The following SLC25A48 variants were observed in gnomAD, a reference collection of about 807,000 sequenced individuals.
SLC25A48 encodes the protein CTC-321K16.1.
In SLC25A48, 29 loss-of-function variants were observed where a neutral mutation model predicts 32.2. The observed-to-expected ratio is 0.90, with a 90% CI of 0.67 to 1.23. The LOEUF (loss-of-function observed/expected upper bound fraction) is 1.23, where lower values mean the gene tolerates loss of function less well. SLC25A48 is among the 50% of genes most tolerant of loss of function. SLC25A48 has a pLI of 0.00. For synonymous variants in SLC25A48, 164 were observed against 172.3 expected (o/e 0.95, Z 0.38); for missense variants, 399 against 422.7 (o/e 0.94, Z 0.49).
chr5:135,688,555 A>G (rs1754071166), intron 3 of SLC25A48, among the ~76,000 whole-genome samples: 1 of 152,246 alleles, frequency 6.6e-6, no homozygotes, highest in South Asian at 2.1e-4. Flanking sequence ...AACTTATTCC[A>G]TGAGGGAACA....
At chr5:135,650,259 T>C (rs1753075240) in intron 3 of SLC25A48, 2 of 379,526 alleles carry the variant, frequency 5.3e-6, no homozygotes, top group Non-Finnish European at 1.0e-5. Context: ...AGCCACACAC[T>C]GTAGACAATT....
intron 4 of SLC25A48, among the ~76,000 whole-genome samples, chr5:135,814,368 C>A (rs933430881): frequency 1.3e-4 from 20 of 152,228 alleles, no homozygotes; most frequent in African/African-American, 4.1e-4. Flanking sequence ...CCTCTGCTTT[C>A]TGAGAACTCC....
At chr5:135,769,058 C>T (rs949401645) in intron 3 of SLC25A48, among the ~76,000 whole-genome samples, 24 of 151,724 alleles carry the variant, frequency 1.6e-4, no homozygotes, top group African/African-American at 5.8e-4. Context: ...GATAATATTA[C>T]TCCCAGTATT....
At chr5:135,591,203 G>A (rs1751518463) in intron 1 of SLC25A48, among the ~76,000 whole-genome samples, 1 of 152,206 alleles carries the variant, frequency 6.6e-6, no homozygotes, top group African/African-American at 2.4e-5. Context: ...GTCACACAAT[G>A]ACCCTGCAGA....
chr5:135,587,654 C>G (rs543097632), intron 1 of SLC25A48, among the ~76,000 whole-genome samples: 80 of 152,278 alleles, frequency 5.3e-4, no homozygotes, highest in Non-Finnish European at 1.0e-3. Flanking sequence ...CATGAATCTT[C>G]TATGAAGAAA....
chr5:135,885,616 C>A (rs192089601), intron 7 of SLC25A48, among the ~76,000 whole-genome samples: 2 of 152,318 alleles, frequency 1.3e-5, no homozygotes, highest in Admixed American at 6.5e-5. Flanking sequence ...TTCTCACTGG[C>A]CTGTGCCCCC....
At chr5:135,688,199 C>CAGG (rs1288323049) in intron 3 of SLC25A48, among the ~76,000 whole-genome samples, 4 of 152,220 alleles carry the variant, frequency 2.6e-5, no homozygotes, top group African/African-American at 9.6e-5. Flanking sequence ...CATAGCCTGT[C>CAGG]AGGAGTTCTT....
At chr5:135,646,659 TTATA>T (rs34299516) in intron 3 of SLC25A48, among the ~76,000 whole-genome samples, 70,265 of 125,328 alleles carry the variant, frequency 0.56, 19,796 homozygotes, top group Admixed American at 0.62. Context: ...TAATTTCCCA[TTATA>T]TATATATATA....
intron 3 of SLC25A48, among the ~76,000 whole-genome samples, chr5:135,713,886 C>G (rs1334380329): frequency 2.0e-5 from 3 of 152,228 alleles, no homozygotes; most frequent in Non-Finnish European, 4.4e-5. Context: ...CTCGAGGAGC[C>G]TCCGTTGGGT....
chr5:135,705,594 A>G (rs545280406), intron 3 of SLC25A48, among the ~76,000 whole-genome samples: 22 of 152,372 alleles, frequency 1.4e-4, no homozygotes, highest in Admixed American at 4.6e-4. Context: ...TAGTGCCTAC[A>G]TAAGTGGTAA....
chr5:135,865,977 A>G (rs920693663), intron 4 of SLC25A48, among the ~76,000 whole-genome samples: 3 of 152,210 alleles, frequency 2.0e-5, no homozygotes, highest in African/African-American at 7.2e-5. Flanking sequence ...TATGTGTGAG[A>G]CATTGTAGGA....
intron 3 of SLC25A48, among the ~76,000 whole-genome samples, chr5:135,662,816 T>C (rs1056687237): frequency 2.0e-5 from 3 of 152,184 alleles, no homozygotes; most frequent in Non-Finnish European, 4.4e-5. Flanking sequence ...AGGGTCCTTC[T>C]CTCAGTGTCC....
chr5:135,849,295 C>T (rs1465452115), intron 2 of SLC25A48, among the ~76,000 whole-genome samples: 1 of 152,200 alleles, frequency 6.6e-6, no homozygotes, highest in African/African-American at 2.4e-5. Context: ...TGGGGATGGG[C>T]CAGTATCTCC....
rs942506874 is a variant in SLC25A48, at chr5:135,855,455, C to T, written c.421+2634C>T. Among the ~76,000 whole-genome samples the T allele has an allele frequency of 3.3e-5, 5 of 152,276 alleles. No homozygotes were observed. The East Asian group carries it at 5.8e-4, about 18-fold the overall frequency. ...TTCATCTTGTAACAATTCTGTGAGG[C>T]AGATGCTGCTATCTCCATTTTACAG... is the stretch of plus-strand genomic sequence containing the variant. On this transcript the variant is annotated intron_variant, in intron 4 of 7. Transcript: ENST00000681962.
At chr5:135,630,709 C>G (rs1359773690) in intron 2 of SLC25A48, among the ~76,000 whole-genome samples, 1 of 140,750 alleles carries the variant, frequency 7.1e-6, no homozygotes, top group Non-Finnish European at 1.5e-5. Flanking sequence ...TCAAGTGATT[C>G]TCCTGCCTCA....
chr5:135,597,214 C>T (rs555433683), intron 1 of SLC25A48, among the ~76,000 whole-genome samples: 5 of 152,296 alleles, frequency 3.3e-5, no homozygotes, highest in African/African-American at 7.2e-5. Flanking sequence ...ATCTCTATCT[C>T]AGACTGGATT....
intron 1 of SLC25A48, among the ~76,000 whole-genome samples, chr5:135,601,784 C>A (rs1363055460): frequency 6.6e-6 from 1 of 152,206 alleles, no homozygotes; most frequent in Non-Finnish European, 1.5e-5. Flanking sequence ...AAACTGTATT[C>A]TTGAATTCCT....
chr5:135,751,371 C>A (rs1435766074), intron 3 of SLC25A48, among the ~76,000 whole-genome samples: 1 of 152,196 alleles, frequency 6.6e-6, no homozygotes, highest in Non-Finnish European at 1.5e-5. Flanking sequence ...TATGTCACTT[C>A]ATGGACAGAG....
At chr5:135,683,081 C>T (rs1270149500) in intron 3 of SLC25A48, among the ~76,000 whole-genome samples, 2 of 152,210 alleles carry the variant, frequency 1.3e-5, no homozygotes, top group South Asian at 2.1e-4. Flanking sequence ...TCTCCACTGT[C>T]TCCACTGTTA....
Sources: allele counts gnomAD v4.1 joint callset (sites outside exome capture counted in the v4.1 genomes callset), GRCh38; gene constraint gnomAD v4.1.1; transcripts MANE v1.5; gene names NCBI Gene and HGNC (gene_info 2026-07-23, HGNC 2026-07-21).